The following COL25A1 variants were observed in gnomAD, a reference collection of about 807,000 sequenced individuals.
The protein encoded by COL25A1 is collagen alpha-1(XXV) chain.
COL25A1 carries 103 observed loss-of-function variants against 128.4 expected under a neutral mutation model. The observed-to-expected ratio is 0.80, with a 90% CI of 0.68 to 0.94. The LOEUF is 0.94. COL25A1 is among the 40% of genes least tolerant of loss of function. The probability of loss-of-function intolerance (pLI) is 0.00; values close to 1 mark genes in which losing one functional copy is unlikely to be tolerated. For synonymous variants in COL25A1, 279 were observed against 277.2 expected, an observed-to-expected ratio of 1.01 and a Z score of -0.06; for missense variants, 745 against 840.0, an observed-to-expected ratio of 0.89 and a Z score of 1.40.
chr4:109,156,745 A>C (rs1222308623), intron 3 of COL25A1, among the ~76,000 whole-genome samples: 2 of 152,222 alleles, frequency 1.3e-5, no homozygotes, highest in Admixed American at 1.3e-4. Flanking sequence ...AATGCACTCT[A>C]TTCCATCCAG....
Position 109,298,807 on chromosome 4 carries a change from G to GT in COL25A1, c.367+1775dup, listed in dbSNP as rs796272839. Among the ~76,000 whole-genome samples, 9 of 152,254 alleles carry GT rather than the reference G, an allele frequency of 5.9e-5. 1 individual carries two copies. Among genetic ancestry groups the GT allele is most frequent in the African/African-American group, 2.2e-4 (9 of 41,540 alleles). On this transcript the variant is annotated intron_variant, in intron 3 of 37. Coordinates refer to ENST00000399132, the MANE Select transcript of COL25A1 (RefSeq NM_198721.4). ...AAATGTTTACCTTGGAAGCTGCCAG[G>GT]TAAAAACTGATGTAATGTGGAGCTC...
chr4:108,897,819 G>T (rs1742322672), intron 15 of COL25A1, among the ~76,000 whole-genome samples: 1 of 152,108 alleles, frequency 6.6e-6, no homozygotes, highest in South Asian at 2.1e-4. Context: ...TTTTTCCTCT[G>T]TATTTTGTTT....
chr4:109,050,299 G>A (rs1311039360), intron 3 of COL25A1, 120 bp from the exon 4 acceptor site: 1 of 687,428 alleles, frequency 1.5e-6, no homozygotes, highest in East Asian at 2.8e-5. Context: ...TCAAGAAAGG[G>A]ATCAGATATT....
intron 5 of COL25A1, among the ~76,000 whole-genome samples, chr4:109,014,445 T>C (rs1757016848): frequency 6.6e-6 from 1 of 152,206 alleles, no homozygotes; most frequent in African/African-American, 2.4e-5. Context: ...TTGTTTAGTA[T>C]AGTTGTGATA....
chr4:109,108,190 C>T (rs991426443), intron 3 of COL25A1, among the ~76,000 whole-genome samples: 2 of 152,176 alleles, frequency 1.3e-5, no homozygotes, highest in African/African-American at 4.8e-5. Flanking sequence ...CTCCCCCCAC[C>T]CCACAACAGG....
chr4:109,287,183 C>A (rs1474561709), intron 3 of COL25A1, among the ~76,000 whole-genome samples: 1 of 152,234 alleles, frequency 6.6e-6, no homozygotes, highest in East Asian at 1.9e-4. Context: ...AAATTGGATA[C>A]GGTTTGCTAC....
At chr4:109,078,810 C>T (rs1300071864) in intron 3 of COL25A1, among the ~76,000 whole-genome samples, 1 of 152,222 alleles carries the variant, frequency 6.6e-6, no homozygotes, top group African/African-American at 2.4e-5. Context: ...AGACTTCCTA[C>T]TTGCCCTTGT....
intron 8 of COL25A1, among the ~76,000 whole-genome samples, chr4:108,958,406 T>C (rs1750310748): frequency 2.6e-5 from 4 of 152,108 alleles, no homozygotes; most frequent in African/African-American, 9.6e-5. Flanking sequence ...AATGAAATTA[T>C]TTGGGTCCAA....
At chr4:109,200,678 T>C (rs1224427650) in intron 3 of COL25A1, among the ~76,000 whole-genome samples, 1 of 152,102 alleles carries the variant, frequency 6.6e-6, no homozygotes, top group Non-Finnish European at 1.5e-5. Flanking sequence ...TCTCCAACTC[T>C]TGAGCTCAAG....
intron 8 of COL25A1, among the ~76,000 whole-genome samples, chr4:108,958,996 A>G (rs1013277693): frequency 1.3e-5 from 2 of 152,252 alleles, no homozygotes; most frequent in South Asian, 4.1e-4. Context: ...TAAATGATTC[A>G]TAATTGTTTT....
intron 3 of COL25A1, among the ~76,000 whole-genome samples, chr4:109,295,886 C>T (rs992905188): frequency 2.0e-5 from 3 of 152,012 alleles, no homozygotes; most frequent in African/African-American, 7.2e-5. Context: ...ATAGAGAGAC[C>T]TCAGAAGTTA....
intron 18 of COL25A1, among the ~76,000 whole-genome samples, chr4:108,887,224 C>T (rs971892168): frequency 2.0e-5 from 3 of 152,096 alleles, no homozygotes; most frequent in Non-Finnish European, 2.9e-5. Flanking sequence ...AACTGATGAG[C>T]TTTTTGCTGT....
intron 3 of COL25A1, among the ~76,000 whole-genome samples, chr4:109,210,563 A>G (rs528713232): frequency 6.6e-6 from 1 of 152,266 alleles, no homozygotes; most frequent in East Asian, 1.9e-4. Context: ...CGTTTTTAAC[A>G]TTTACACAGT....
intron 3 of COL25A1, among the ~76,000 whole-genome samples, chr4:109,285,851 T>C (rs1016054047): frequency 2.0e-5 from 3 of 150,338 alleles, no homozygotes; most frequent in Non-Finnish European, 4.4e-5. Context: ...GGTTGTTGTT[T>C]GTTGGTTTTT....
intron 6 of COL25A1, among the ~76,000 whole-genome samples, chr4:108,993,490 C>T (rs9994332): frequency 0.8 from 121,109 of 152,166 alleles, 49,363 homozygotes; most frequent in East Asian, 1. Flanking sequence ...TTCCCTCAAC[C>T]TCCTTTTCCT....
At chr4:109,247,324 T>C (rs1780335492) in intron 3 of COL25A1, among the ~76,000 whole-genome samples, 1 of 151,462 alleles carries the variant, frequency 6.6e-6, no homozygotes, top group Non-Finnish European at 1.5e-5. Flanking sequence ...CACTCCAGCC[T>C]GGGCGACAGA....
intron 3 of COL25A1, among the ~76,000 whole-genome samples, chr4:109,229,620 G>T (rs762142239): frequency 6.6e-6 from 1 of 152,064 alleles, no homozygotes; most frequent in Non-Finnish European, 1.5e-5. Context: ...ACCACCAACA[G>T]AAAGCACAAA....
At chr4:109,159,840 GA>G (rs1481434506) in intron 3 of COL25A1, among the ~76,000 whole-genome samples, 1 of 152,172 alleles carries the variant, frequency 6.6e-6, no homozygotes, top group Non-Finnish European at 1.5e-5. Flanking sequence ...AGCTAGCAGA[GA>G]GGGTCAAAAG....
At chr4:108,889,800 A>G in intron 16 of COL25A1, 67 bp from the exon 17 acceptor site, 1 of 1,418,396 alleles carries the variant, frequency 7.1e-7, no homozygotes, top group Non-Finnish European at 1.0e-6. Context: ...AAGCACTCAG[A>G]GAGCCATCAC....
Sources: allele counts gnomAD v4.1 joint callset (sites outside exome capture counted in the v4.1 genomes callset), GRCh38; gene constraint gnomAD v4.1.1; transcripts MANE v1.5; gene names NCBI Gene and HGNC (gene_info 2026-07-23, HGNC 2026-07-21).